Variants in TTI1 observed in about 807,000 individuals in gnomAD.
TTI1 encodes the protein TELO2 interacting protein 1.
A neutral mutation model predicts 85.4 loss-of-function variants in TTI1; 52 were observed. The ratio of observed to expected loss-of-function variants is 0.61; its 90% CI spans 0.49 to 0.77. The LOEUF is 0.77. Among genes scored for constraint, TTI1 ranks in the 30% least tolerant of loss-of-function variants. The pLI is 0.00. For missense variants in TTI1, 1,173 were observed against 1,296.0 expected (o/e 0.91, Z 1.46); for synonymous variants, 512 against 503.9 (o/e 1.02, Z -0.22).
chr20:38,025,081 T>G (rs2073819065), intron 1 of TTI1, among the ~76,000 whole-genome samples: 1 of 152,154 alleles, frequency 6.6e-6, no homozygotes, highest in African/African-American at 2.4e-5. Context: ...TACCTCCACC[T>G]GGCAGTGATG....
At chr20:38,028,888 T>C (rs995297311) in intron 1 of TTI1, among the ~76,000 whole-genome samples, 11 of 152,170 alleles carry the variant, frequency 7.2e-5, no homozygotes, top group African/African-American at 2.2e-4. Context: ...TTTGTATTTT[T>C]TAAAGACCGA....
At position 37,999,175 on chromosome 20, in the gene TTI1, G is replaced by A; in HGVS notation, c.2793+13C>T. ...ACCCTCACAACAGACCATGGGGGAT[G>A]CTGGTGCAGTACCTTGAAGGCTCTA... On this transcript the variant is annotated intron_variant, in intron 5 of 7. Coordinates refer to ENST00000373447, the MANE Select transcript of TTI1 (RefSeq NM_001303457.2). The A allele has an allele frequency of 7.1e-7, 1 of 1,398,718 alleles. No individual in the cohort carries two copies. The highest frequency in any genetic ancestry group is 9.4e-7 in the Non-Finnish European group (1 of 1,066,836). The allele number at this position is 1,398,718 out of a possible 1,614,324, so 86.6% of individuals were successfully genotyped here.
At chr20:38,032,469 C>G (rs1202486910) in intron 1 of TTI1, among the ~76,000 whole-genome samples, 2 of 152,190 alleles carry the variant, frequency 1.3e-5, no homozygotes, top group African/African-American at 4.8e-5. Context: ...ATGTCTATAA[C>G]TTAACTCCCT....
intron 1 of TTI1, among the ~76,000 whole-genome samples, chr20:38,026,454 A>G (rs1403316184): frequency 6.6e-6 from 1 of 152,136 alleles, no homozygotes; most frequent in Non-Finnish European, 1.5e-5. Flanking sequence ...CACCATGCCC[A>G]GAGGGGAGAA....
intron 1 of TTI1, among the ~76,000 whole-genome samples, chr20:38,023,443 G>A (rs145115110): frequency 7.2e-5 from 11 of 152,322 alleles, no homozygotes; most frequent in Non-Finnish European, 1.3e-4. Context: ...CAGTCCCATG[G>A]CCACTGAGGT....
intron 7 of TTI1, among the ~76,000 whole-genome samples, chr20:37,985,318 C>A (rs912135317): frequency 2.6e-5 from 4 of 152,184 alleles, no homozygotes; most frequent in Non-Finnish European, 5.9e-5. Flanking sequence ...GAGCCTCTTG[C>A]ATACTGCTGG....
At chr20:38,029,568 A>AAGAGAGAG (rs60021792) in intron 1 of TTI1, among the ~76,000 whole-genome samples, 1 of 149,130 alleles carries the variant, frequency 6.7e-6, no homozygotes, top group African/African-American at 2.5e-5. Flanking sequence ...GTGAGTGAGC[A>AAGAGAGAG]AGAGAGAGAG....
At chr20:37,984,406 T>C (rs1227657191) in intron 7 of TTI1, among the ~76,000 whole-genome samples, 1 of 152,102 alleles carries the variant, frequency 6.6e-6, no homozygotes, top group East Asian at 1.9e-4. Flanking sequence ...CCACCGAGGG[T>C]GGTTTTTATC....
chr20:38,016,896 TA>T (rs1324239595), intron 1 of TTI1, among the ~76,000 whole-genome samples: 1 of 152,170 alleles, frequency 6.6e-6, no homozygotes. Flanking sequence ...ACCTAAGCAT[TA>T]CCATGGCATA....
chr20:38,026,935 T>C (rs2073843784), intron 1 of TTI1, among the ~76,000 whole-genome samples: 1 of 152,204 alleles, frequency 6.6e-6, no homozygotes, highest in South Asian at 2.1e-4. Flanking sequence ...AAAGTTTCTA[T>C]ACTTTGCTAG....
intron 7 of TTI1, chr20:37,987,117 T>C: frequency 2.2e-6 from 1 of 455,706 alleles, no homozygotes; most frequent in Non-Finnish European, 4.4e-6. Flanking sequence ...CGCACCCTTG[T>C]TGGCTTTAAG....
intron 1 of TTI1, among the ~76,000 whole-genome samples, chr20:38,015,291 T>C (rs547788021): frequency 7.9e-5 from 12 of 152,276 alleles, no homozygotes; most frequent in African/African-American, 2.4e-4. Flanking sequence ...TGTTCGTCAC[T>C]GTGAGGCTTC....
intron 2 of TTI1, among the ~76,000 whole-genome samples, chr20:38,009,150 T>G (rs2073544031): frequency 6.6e-6 from 1 of 152,210 alleles, no homozygotes; most frequent in South Asian, 2.1e-4. Context: ...TTTTAAAAAT[T>G]TCAAATTGAA....
chr20:37,999,082 G>A, intron 5 of TTI1, 106 bp downstream of exon 5: 12 of 1,192,302 alleles, frequency 1.0e-5, no homozygotes, highest in Non-Finnish European at 1.3e-5. Context: ...TTCACAGTAT[G>A]TGACATTGCA....
At chr20:38,001,093 C>T (rs1179797827) in intron 4 of TTI1, among the ~76,000 whole-genome samples, 1 of 152,184 alleles carries the variant, frequency 6.6e-6, no homozygotes, top group Non-Finnish European at 1.5e-5. Flanking sequence ...GCCTCTCTCC[C>T]CACAAAAGAC....
In TTI1 at chr20:38,012,376, C is replaced by G; in HGVS notation, c.1441G>C (p.Asp481His). ...IQRRYFRFFT[D>H]ERIFMLLRQV... ...CTCAAGAGCATGAAGATTCTCTCAT[C>G]AGTGAAGAAGCGGAAATATCTCCTC... The change falls in exon 2 of 8, where the codon GAT (aspartate) becomes CAT (histidine). Residue 481 changes from aspartate (D) to histidine (H), a missense_variant. Asp to His is a moderately conservative substitution (Grantham distance 81, BLOSUM62 -1). Coordinates refer to ENST00000373447, the MANE Select transcript of TTI1 (RefSeq NM_001303457.2). The G allele has an allele frequency of 6.2e-7, 1 of 1,614,204 alleles. No homozygotes were observed. Among genetic ancestry groups the G allele is most frequent in the Non-Finnish European group, 8.5e-7 (1 of 1,180,044 alleles).
intron 2 of TTI1, 52 bp from the exon 3 acceptor site, chr20:38,006,449 G>A: frequency 6.3e-7 from 1 of 1,593,240 alleles, no homozygotes. Flanking sequence ...ACAGGCATGA[G>A]TACTTTATAC....
chr20:38,027,389 TTTTA>T (rs1400399761), intron 1 of TTI1, among the ~76,000 whole-genome samples: 2 of 152,190 alleles, frequency 1.3e-5, no homozygotes, highest in African/African-American at 4.8e-5. Context: ...ATCTTTTACT[TTTTA>T]TTTTTTTCAA....
intron 7 of TTI1, among the ~76,000 whole-genome samples, chr20:37,987,971 C>T (rs2073214453): frequency 6.6e-6 from 1 of 152,206 alleles, no homozygotes; most frequent in Non-Finnish European, 1.5e-5. Context: ...AGGAAACGTG[C>T]TCCTGGAATC....
Sources: gnomAD v4.1 joint callset for allele counts (sites outside exome capture counted in the v4.1 genomes callset) on GRCh38, gnomAD v4.1.1 for gene constraint, MANE v1.5 for transcripts, NCBI Gene and HGNC (gene_info 2026-07-23, HGNC 2026-07-21) for gene names.